TDRD5: variants seen among roughly 807,000 people sequenced by gnomAD.
TDRD5 encodes the protein tudor domain containing 5.
A neutral mutation model predicts 120.6 loss-of-function variants in TDRD5; 41 were observed. The ratio of observed to expected loss-of-function variants is 0.34; its 90% confidence interval spans 0.26 to 0.44. TDRD5 has a LOEUF of 0.44. Among genes scored for constraint, TDRD5 ranks in the 20% least tolerant of loss-of-function variants. The probability of loss-of-function intolerance (pLI) is 1.00; values close to 1 mark genes in which losing one functional copy is unlikely to be tolerated. For missense variants in TDRD5, 1,006 were observed against 1,221.2 expected (o/e 0.82, Z 2.63); for synonymous variants, 430 against 433.7 (o/e 0.99, Z 0.11).
chr1:179,670,119 C>T lies in TDRD5; in HGVS notation c.2860+715C>T, dbSNP rs549449679. Among the ~76,000 whole-genome samples the T allele has an allele frequency of 3.3e-5, 5 of 152,116 alleles. 1 individual carries two copies. Among genetic ancestry groups the T allele is most frequent in the South Asian group, 4.1e-4 (2 of 4,830 alleles). ...AAAGATATACATAAGAGGCTGGGCA[C>T]GATGGCTCACGCCTGTAATCCCAGC... On this transcript the variant is annotated intron_variant, in intron 17 of 17. Transcript: ENST00000444136.
intron 11 of TDRD5, among the ~76,000 whole-genome samples, chr1:179,646,579 A>G (rs530603766): frequency 6.8e-6 from 1 of 146,686 alleles, no homozygotes; most frequent in African/African-American, 2.5e-5. Context: ...CTCCTATTCA[A>G]CATAGTGTTG....
chr1:179,642,064 C>G (rs992958004), intron 11 of TDRD5, among the ~76,000 whole-genome samples: 1 of 150,944 alleles, frequency 6.6e-6, no homozygotes, highest in South Asian at 2.1e-4. Context: ...ATTTTTTGTT[C>G]TCTTCTTTTT....
intron 17 of TDRD5, among the ~76,000 whole-genome samples, chr1:179,685,168 TG>T (rs1395645834): frequency 5.9e-5 from 9 of 152,226 alleles, no homozygotes; most frequent in South Asian, 2.1e-4. Context: ...AGGGTTTTTA[TG>T]GTTTTAGGTC....
At chr1:179,600,298 G>A (rs1675637883) in intron 4 of TDRD5, among the ~76,000 whole-genome samples, 1 of 152,100 alleles carries the variant, frequency 6.6e-6, no homozygotes, top group African/African-American at 2.4e-5. Flanking sequence ...TTATACAGAT[G>A]TGCCATTTTA....
chr1:179,659,588 TGTGCGC>T (rs753698679), intron 14 of TDRD5, among the ~76,000 whole-genome samples: 12 of 80,140 alleles, frequency 1.5e-4, no homozygotes, highest in African/African-American at 3.0e-4. Flanking sequence ...TGTGTGTGTG[TGTGCGC>T]GCGCTTGCCT....
At chr1:179,596,483 A>G (rs1281757920) in intron 4 of TDRD5, among the ~76,000 whole-genome samples, 1 of 152,198 alleles carries the variant, frequency 6.6e-6, no homozygotes, top group African/African-American at 2.4e-5. Flanking sequence ...GCCACTTTGT[A>G]GTTTCTTTCC....
chr1:179,685,531 T>A (rs187581712), intron 17 of TDRD5, among the ~76,000 whole-genome samples: 339 of 152,316 alleles, frequency 2.2e-3, no homozygotes, highest in Middle Eastern at 0.017. Context: ...GCGGGCTCTG[T>A]TTTGGTTCCA....
At chr1:179,661,690 C>G (rs529130179) in intron 14 of TDRD5, among the ~76,000 whole-genome samples, 1 of 152,170 alleles carries the variant, frequency 6.6e-6, no homozygotes, top group Admixed American at 6.5e-5. Context: ...CACAGACTTT[C>G]AGCCAGTGTG....
In TDRD5 at chr1:179,626,425, A is replaced by G. The variant is rs1266119295; in HGVS notation, c.973-4342A>G. Among the ~76,000 whole-genome samples, 3 of 152,304 alleles carry G rather than the reference A, an allele frequency of 2.0e-5. No individual in the cohort carries two copies. The East Asian group carries it at 5.8e-4, about 29-fold the overall frequency. Reference sequence around the variant, plus strand: ...TGGGAAAGGGAGAACTTGCTGAGGTAATGGAAGTGTTCTGTATCTTGAGTA... The same window carrying G: ...TGGGAAAGGGAGAACTTGCTGAGGTGATGGAAGTGTTCTGTATCTTGAGTA... On this transcript the variant is annotated intron_variant, in intron 6 of 17. Coordinates refer to ENST00000444136, the MANE Select transcript of TDRD5 (RefSeq NM_001199085.3).
At chr1:179,594,754 G>C (rs1405286163) in intron 3 of TDRD5, among the ~76,000 whole-genome samples, 1 of 152,232 alleles carries the variant, frequency 6.6e-6, no homozygotes, top group Non-Finnish European at 1.5e-5. Context: ...TTTACACTGT[G>C]GTAGGTGATG....
At chr1:179,678,709 T>C (rs1680267443) in intron 17 of TDRD5, among the ~76,000 whole-genome samples, 1 of 152,260 alleles carries the variant, frequency 6.6e-6, no homozygotes, top group Admixed American at 6.5e-5. Context: ...CAATTTTTTT[T>C]ATTACTGGTA....
At chr1:179,619,387 T>C (rs1323661237) in intron 5 of TDRD5, among the ~76,000 whole-genome samples, 2 of 152,204 alleles carry the variant, frequency 1.3e-5, no homozygotes, top group Non-Finnish European at 2.9e-5. Flanking sequence ...GAAAACTCTT[T>C]GGTGTTATGT....
chr1:179,656,236 G>C lies in TDRD5; in HGVS notation c.2322+1874G>C, dbSNP rs115653490. Among the ~76,000 whole-genome samples, 335 of 152,144 alleles carry C rather than the reference G, an allele frequency of 2.2e-3. 5 individuals are homozygous for C. The highest frequency in any genetic ancestry group is 7.6e-3 in the African/African-American group (317 of 41,502). On this transcript the variant is annotated intron_variant, in intron 14 of 17. Transcript: ENST00000444136. ...TAGTTGTCATCTATACACAATTCTTGGTGAAATTTCTGTTGAAGTCTTTTT... is the reference window on the plus strand; with the variant it reads ...TAGTTGTCATCTATACACAATTCTTCGTGAAATTTCTGTTGAAGTCTTTTT...
chr1:179,621,408 A>T (rs1048721428), intron 6 of TDRD5, among the ~76,000 whole-genome samples: 4 of 152,086 alleles, frequency 2.6e-5, no homozygotes, highest in African/African-American at 9.7e-5. Context: ...TGCTTGTGGG[A>T]CAAAATGCTC....
chr1:179,675,273 A>ATTATTTTTTTTTTTTT (rs1444171268), intron 17 of TDRD5, among the ~76,000 whole-genome samples: 1 of 66,626 alleles, frequency 1.5e-5, no homozygotes, highest in African/African-American at 5.4e-5. Flanking sequence ...TATTATTATT[A>ATTATTTTTTTTTTTTT]TTTTTTTTTT....
chr1:179,613,678 G>A (rs539192928), intron 4 of TDRD5, among the ~76,000 whole-genome samples: 53 of 152,106 alleles, frequency 3.5e-4, no homozygotes, highest in Non-Finnish European at 6.2e-4. Flanking sequence ...AAGGGATCTC[G>A]CCAAGGCCTC....
intron 4 of TDRD5, 69 bp downstream of exon 4, chr1:179,595,887 C>G: frequency 1.4e-6 from 2 of 1,424,204 alleles, no homozygotes; most frequent in Non-Finnish European, 1.9e-6. Context: ...ACACTTTGAT[C>G]TGATGGAAAA....
intron 4 of TDRD5, among the ~76,000 whole-genome samples, chr1:179,597,671 C>A (rs188986798): frequency 9.9e-5 from 15 of 152,074 alleles, no homozygotes; most frequent in African/African-American, 3.4e-4. Flanking sequence ...GGATTTTAAT[C>A]GAAGTTACAA....
intron 9 of TDRD5, among the ~76,000 whole-genome samples, chr1:179,636,723 A>G (rs1012308516): frequency 4.6e-5 from 7 of 152,244 alleles, no homozygotes; most frequent in Non-Finnish European, 8.8e-5. Flanking sequence ...GATCTCAGAA[A>G]AGTATTTAGT....
Sources: allele counts gnomAD v4.1 joint callset (sites outside exome capture counted in the v4.1 genomes callset), GRCh38; gene constraint gnomAD v4.1.1; transcripts MANE v1.5; gene names NCBI Gene and HGNC (gene_info 2026-07-23, HGNC 2026-07-21).